Variants in NDUFAF2 observed in about 807,000 individuals in gnomAD.
The protein encoded by NDUFAF2 is NADH:ubiquinone oxidoreductase complex assembly factor 2.
In NDUFAF2, 13 loss-of-function variants were observed where a neutral mutation model predicts 22.8. The ratio of observed to expected loss-of-function variants is 0.57; its 90% confidence interval spans 0.37 to 0.91. NDUFAF2 has a LOEUF of 0.91. NDUFAF2 is among the 40% of genes least tolerant of loss of function. The probability of loss-of-function intolerance (pLI) is 0.01; values close to 1 mark genes in which losing one functional copy is unlikely to be tolerated. For missense variants in NDUFAF2, 162 were observed against 195.2 expected (o/e 0.83, Z 1.01); for synonymous variants, 53 against 64.2 (o/e 0.83, Z 0.84).
rs749171062 is a variant in NDUFAF2, at chr5:61,135,394, C to G, written c.259-17310C>G. Reference sequence around the variant, plus strand: ...TATGTCAAAAGGATATAGGAGCCAACTGGAAGGGGCTCCCACTGGCCAAAG... The same window carrying G: ...TATGTCAAAAGGATATAGGAGCCAAGTGGAAGGGGCTCCCACTGGCCAAAG... On this transcript the variant is annotated intron_variant, in intron 3 of 3. Transcript: ENST00000296597. Among the ~76,000 whole-genome samples the G allele has an allele frequency of 3.3e-5, 5 of 152,306 alleles. No homozygotes were observed. The East Asian group carries it at 5.8e-4, about 18-fold the overall frequency.
At chr5:61,033,943 G>A (rs571300056) in intron 1 of NDUFAF2, among the ~76,000 whole-genome samples, 1 of 152,214 alleles carries the variant, frequency 6.6e-6, no homozygotes, top group South Asian at 2.1e-4. Flanking sequence ...ATATCAGAAG[G>A]AGAACTAGAC....
chr5:61,121,455 C>T (rs543635708), intron 3 of NDUFAF2, among the ~76,000 whole-genome samples: 6 of 152,176 alleles, frequency 3.9e-5, no homozygotes, highest in Admixed American at 3.3e-4. Flanking sequence ...TAGAAAGTAT[C>T]AGTGTACAAA....
chr5:61,078,548 C>T (rs959612423), intron 2 of NDUFAF2, among the ~76,000 whole-genome samples: 1 of 152,056 alleles, frequency 6.6e-6, no homozygotes, highest in African/African-American at 2.4e-5. Context: ...CTAGACCAGC[C>T]TGTACAACAT....
At chr5:61,043,123 G>C (rs1209245880) in intron 1 of NDUFAF2, among the ~76,000 whole-genome samples, 1 of 152,136 alleles carries the variant, frequency 6.6e-6, no homozygotes, top group Non-Finnish European at 1.5e-5. Context: ...AGGAGGCTGA[G>C]GCAGGAGAAT....
chr5:61,049,364 G>A (rs950503764), intron 1 of NDUFAF2, among the ~76,000 whole-genome samples: 1 of 151,916 alleles, frequency 6.6e-6, no homozygotes, highest in Non-Finnish European at 1.5e-5. Context: ...AATAAGACAC[G>A]GATTTTTACC....
chr5:61,091,010 G>GA, intron 2 of NDUFAF2, among the ~76,000 whole-genome samples: 1 of 152,024 alleles, frequency 6.6e-6, no homozygotes, highest in Non-Finnish European at 1.5e-5. Context: ...CCCTACAAAG[G>GA]CATGATCTTG....
chr5:61,133,011 G>A (rs935009357), intron 3 of NDUFAF2, among the ~76,000 whole-genome samples: 6 of 152,074 alleles, frequency 3.9e-5, no homozygotes, highest in African/African-American at 1.4e-4. Flanking sequence ...AGAGTCCTGA[G>A]ATCCATTTTA....
At chr5:60,954,850 T>C (rs1174454787) in intron 1 of NDUFAF2, among the ~76,000 whole-genome samples, 1 of 152,116 alleles carries the variant, frequency 6.6e-6, no homozygotes, top group African/African-American at 2.4e-5. Flanking sequence ...TTGAGAACCT[T>C]TTCATATACT....
In NDUFAF2 at chr5:61,034,905, AAT is replaced by A. The variant is rs546346866; in HGVS notation, c.128-38213_128-38212del. Among the ~76,000 whole-genome samples the A allele has an allele frequency of 3.2e-3, 451 of 139,956 alleles. 4 individuals are homozygous for A. Among genetic ancestry groups the A allele is most frequent in the African/African-American group, 6.7e-3 (254 of 37,862 alleles). The allele number at this position is 139,956 out of a possible 152,430, so 91.8% of individuals were successfully genotyped here. A position where few individuals can be genotyped will look rare whatever the true frequency, so the allele number is the denominator to read the frequency against. ...ATATTTGGGTTTTTTTAGGTAGGCA[AAT>A]ATATATGTGTGTGTGTGTGTGTGTG... On this transcript the variant is annotated intron_variant, in intron 1 of 3. Transcript: ENST00000296597.
intron 2 of NDUFAF2, 116 bp from the exon 3 acceptor site, chr5:61,098,876 G>C: frequency 1.6e-6 from 1 of 637,538 alleles, no homozygotes; most frequent in East Asian, 2.8e-5. Context: ...ATTCCCTGCT[G>C]TATCTCCAGT....
At chr5:60,945,628 C>G (rs568593616) in intron 1 of NDUFAF2, among the ~76,000 whole-genome samples, 3 of 152,220 alleles carry the variant, frequency 2.0e-5, no homozygotes, top group African/African-American at 4.8e-5. Context: ...AGCGCCTTCC[C>G]CCGGCGTGCC....
At chr5:61,043,782 T>C (rs1751913578) in intron 1 of NDUFAF2, among the ~76,000 whole-genome samples, 1 of 152,088 alleles carries the variant, frequency 6.6e-6, no homozygotes, top group African/African-American at 2.4e-5. Context: ...TTAGGTTCTA[T>C]CCATATCTTG....
chr5:61,145,695 A>G (rs1206378483), intron 3 of NDUFAF2, among the ~76,000 whole-genome samples: 2 of 152,234 alleles, frequency 1.3e-5, no homozygotes, highest in Non-Finnish European at 2.9e-5. Context: ...CTCCAGCTGA[A>G]CACCCCTGAA....
chr5:61,144,315 T>C (rs1435202567), intron 3 of NDUFAF2, among the ~76,000 whole-genome samples: 3 of 152,150 alleles, frequency 2.0e-5, no homozygotes, highest in Admixed American at 2.0e-4. Flanking sequence ...TGAATGATGG[T>C]TTGAAAACAG....
At chr5:61,044,286 C>T (rs958258519) in intron 1 of NDUFAF2, among the ~76,000 whole-genome samples, 31 of 151,778 alleles carry the variant, frequency 2.0e-4, no homozygotes, top group African/African-American at 7.2e-4. Flanking sequence ...GGTATTTTCT[C>T]CCATTCTCTA....
chr5:61,048,623 C>T (rs1751984993), intron 1 of NDUFAF2, among the ~76,000 whole-genome samples: 1 of 152,112 alleles, frequency 6.6e-6, no homozygotes, highest in African/African-American at 2.4e-5. Context: ...TTCTTCAAGC[C>T]ATTACACCTG....
chr5:61,001,301 G>C (rs1751292144), intron 1 of NDUFAF2, among the ~76,000 whole-genome samples: 1 of 152,026 alleles, frequency 6.6e-6, no homozygotes, highest in Admixed American at 6.6e-5. Context: ...TCTTTAATGA[G>C]CTCTTCACTA....
intron 1 of NDUFAF2, among the ~76,000 whole-genome samples, chr5:61,027,332 T>C (rs1224279009): frequency 2.0e-5 from 3 of 151,620 alleles, no homozygotes; most frequent in Non-Finnish European, 3.0e-5. Context: ...GAATTTTCTT[T>C]AGGTGTTAAA....
intron 1 of NDUFAF2, among the ~76,000 whole-genome samples, chr5:61,016,222 C>A (rs1221542637): frequency 6.6e-6 from 1 of 151,808 alleles, no homozygotes; most frequent in South Asian, 2.1e-4. Context: ...AAATGATTTA[C>A]CTTTGGGATT....
Sources: allele counts gnomAD v4.1 joint callset (sites outside exome capture counted in the v4.1 genomes callset), GRCh38; gene constraint gnomAD v4.1.1; transcripts MANE v1.5; gene names NCBI Gene and HGNC (gene_info 2026-07-23, HGNC 2026-07-21).